Variants in ZNF618 observed in about 807,000 individuals in gnomAD.
ZNF618 encodes zinc finger protein 618, also known as neural precursor cell expressed, developmentally down-regulated 10.
Under a neutral mutation model 103.0 loss-of-function variants are expected in ZNF618, and 34 were observed. That is an observed-to-expected ratio of 0.33 (90% CI 0.25 to 0.44). The LOEUF is 0.44. Among genes scored for constraint, ZNF618 ranks in the 20% least tolerant of loss-of-function variants. The pLI, the probability that ZNF618 is intolerant of heterozygous loss-of-function variation, is 1.00. For missense variants in ZNF618, 1,059 were observed against 1,295.4 expected (o/e 0.82, Z 2.80); for synonymous variants, 551 against 542.2 (o/e 1.02, Z -0.23).
chr9:113,905,263 G>T (rs896093450), intron 1 of ZNF618, among the ~76,000 whole-genome samples: 38 of 152,210 alleles, frequency 2.5e-4, no homozygotes, highest in African/African-American at 8.4e-4. Context: ...CACCATGTTA[G>T]CCAGGCTGGT....
At chr9:113,880,040 T>C (rs1355256170) in intron 1 of ZNF618, among the ~76,000 whole-genome samples, 1 of 152,124 alleles carries the variant, frequency 6.6e-6, no homozygotes, top group Non-Finnish European at 1.5e-5. Context: ...GTTTTAAAAC[T>C]CCTCCAGTGT....
chr9:114,035,069 C>T (rs564284792), intron 12 of ZNF618: 19 of 647,142 alleles, frequency 2.9e-5, no homozygotes, highest in East Asian at 1.4e-4. Flanking sequence ...GCCTTCCTCT[C>T]GGATGCTCCC....
Position 114,048,669 on chromosome 9 carries a change from C to T in ZNF618, c.1367C>T (p.Thr456Ile), listed in dbSNP as rs763090992. The change falls in exon 15 of 15, where the codon ACA becomes ATA. Residue 456 changes from threonine to isoleucine, a missense_variant. Around this residue, in one of 6 missense-constraint regions of ZNF618, gnomAD observed 434 missense variants for 476.0 expected, o/e 0.91. Transcript: ENST00000374126. ...CTGCCAGCCACTACCAGTGGTTTAA[C>T]ACCCAACAGCATGATCCCCGAAAAG... ...SANNTTTSGL[T>I]PNSMIPEKER... is the part of the protein sequence containing the mutation. 1.9e-6 allele frequency: 3 copies of T among 1,612,454 alleles called. No homozygotes were observed. Among genetic ancestry groups the T allele is most frequent in the Admixed American group, 1.7e-5 (1 of 59,948 alleles).
Position 114,028,913 on chromosome 9 carries a change from C to T in ZNF618, c.1025C>T (p.Thr342Ile). 1 of 1,550,686 alleles carries T rather than the reference C, an allele frequency of 6.4e-7. No homozygotes were observed. The highest frequency in any genetic ancestry group is 8.7e-7 in the Non-Finnish European group (1 of 1,146,908). ...ATLLHRTPPA[T>I]QTQTFRTPNS... Reference sequence around the variant, plus strand: ...CTCTTACACCGCACCCCTCCAGCCACCCAAACCCAGACGTTCCGCACTCCA... The same window carrying T: ...CTCTTACACCGCACCCCTCCAGCCATCCAAACCCAGACGTTCCGCACTCCA... Residue 342 changes from threonine (T) to isoleucine (I), a missense_variant, in exon 11 of 15, where the codon ACC (threonine) becomes ATC (isoleucine). By Grantham distance (89) the Thr-to-Ile change is moderately conservative. Around this residue, in one of 6 missense-constraint regions of ZNF618, gnomAD observed 434 missense variants for 476.0 expected, o/e 0.91. Coordinates refer to ENST00000374126, the MANE Select transcript of ZNF618 (RefSeq NM_001318042.2).
rs184699125 is a variant in ZNF618, at chr9:113,995,258, T to A, written c.338-3001T>A. 6.7e-3 allele frequency among the ~76,000 whole-genome samples: 1,013 copies of A among 151,394 alleles called. 16 individuals are homozygous for A. Among genetic ancestry groups the A allele is most frequent in the African/African-American group, 0.023 (933 of 41,316 alleles). On this transcript the variant is annotated intron_variant, in intron 3 of 14. Transcript: ENST00000374126. ...TTGAAATTTCTAAAAAAAAAAAAAA[T>A]TTCCTGGGATCATAAAGCTCTACAT...
intron 3 of ZNF618, among the ~76,000 whole-genome samples, chr9:113,997,712 G>A (rs931938792): frequency 1.3e-5 from 2 of 152,212 alleles, no homozygotes; most frequent in African/African-American, 4.8e-5. Context: ...TGGAAACATT[G>A]CAGATGAAGT....
intron 6 of ZNF618, among the ~76,000 whole-genome samples, chr9:114,005,445 T>G (rs1383812424): frequency 6.6e-6 from 1 of 152,164 alleles, no homozygotes; most frequent in Admixed American, 6.5e-5. Context: ...GGTGGGGGTA[T>G]TCTCAGCAGC....
rs570684851 is a variant in ZNF618, at chr9:113,901,976, T to G, written c.33+25563T>G. Among the ~76,000 whole-genome samples, 7 of 152,260 alleles carry G rather than the reference T, an allele frequency of 4.6e-5. No individual in the cohort carries two copies. In the East Asian group the frequency reaches 1.4e-3, roughly 29 times the overall value. On this transcript the variant is annotated intron_variant, in intron 1 of 14. Coordinates refer to ENST00000374126, the MANE Select transcript of ZNF618 (RefSeq NM_001318042.2). ...CCTCTTCATGCCTTTTTGGGCCTGT[T>G]TTTGCATCTGCATAAAGGGGTCCAA... is the stretch of plus-strand genomic sequence containing the variant.
chr9:113,933,889 T>G (rs1833818724), intron 1 of ZNF618, among the ~76,000 whole-genome samples: 1 of 151,858 alleles, frequency 6.6e-6, no homozygotes, highest in Non-Finnish European at 1.5e-5. Context: ...GGATTGCAGC[T>G]CCTGTGGGGG....
Position 114,017,587 on chromosome 9 carries a change from G to A in ZNF618, c.844+803G>A, listed in dbSNP as rs139763522. 2.6e-3 allele frequency among the ~76,000 whole-genome samples: 397 copies of A among 152,302 alleles called. 3 individuals carry two copies. The highest frequency in any genetic ancestry group is 0.024 in the South Asian group (116 of 4,824). On this transcript the variant is annotated intron_variant, in intron 10 of 14. Transcript: ENST00000374126. The stretch of plus-strand genomic sequence containing the variant: ...GTGCAGAAACCAAAGTCTGACAGGG[G>A]TGGGGCTTGTGCAGTCTCAGGGCAG...
chr9:113,905,966 G>T (rs574326868), intron 1 of ZNF618, among the ~76,000 whole-genome samples: 1 of 152,198 alleles, frequency 6.6e-6, no homozygotes, highest in South Asian at 2.1e-4. Context: ...AGGGTGTTTT[G>T]CCCAGTGTTG....
intron 1 of ZNF618, among the ~76,000 whole-genome samples, chr9:113,965,268 C>G (rs1330563879): frequency 6.6e-6 from 1 of 152,114 alleles, no homozygotes; most frequent in Non-Finnish European, 1.5e-5. Flanking sequence ...CAGCTAATGT[C>G]TTACAACTTA....
At chr9:113,995,873 G>A (rs998126596) in intron 3 of ZNF618, among the ~76,000 whole-genome samples, 3 of 152,142 alleles carry the variant, frequency 2.0e-5, no homozygotes, top group East Asian at 3.9e-4. Context: ...GGTAGGATTA[G>A]GGGTGGGTGA....
Position 113,951,526 on chromosome 9 carries a change from C to T in ZNF618, c.34-17591C>T, listed in dbSNP as rs1360657184. On this transcript the variant is annotated intron_variant, in intron 1 of 14. Transcript: ENST00000374126. ...ACACATATATGTGTGTATATGTACA[C>T]ATATGTGTGTACATATGTACACATA... is the stretch of plus-strand genomic sequence containing the variant. 3.7e-5 allele frequency among the ~76,000 whole-genome samples: 3 copies of T among 82,022 alleles called. 1 individual carries two copies. The East Asian group carries it at 1.4e-3, about 39-fold the overall frequency. 53.8% of individuals were successfully genotyped at this position (82,022 alleles called of 152,430 possible).
rs549496991 is a variant in ZNF618 at position 114,052,879 on chromosome 9, G to A, written c.*2712G>A. 3 of 152,352 alleles carry A rather than the reference G, an allele frequency of 2.0e-5. No individual in the cohort carries two copies. The East Asian group carries it at 5.8e-4, about 29-fold the overall frequency. 9.4% of individuals were successfully genotyped at this position (152,352 alleles called of 1,614,324 possible). A position where few individuals can be genotyped will look rare whatever the true frequency, so the allele number is the denominator to read the frequency against. On this transcript the variant is annotated 3_prime_UTR_variant, in exon 15 of 15. Coordinates refer to ENST00000374126, the MANE Select transcript of ZNF618 (RefSeq NM_001318042.2). ...GAAGCATGGGATGTCTGTCCTCCAG[G>A]AAGAGATTTGATCTTAGGTTGTTAC...
intron 1 of ZNF618, among the ~76,000 whole-genome samples, chr9:113,923,281 A>C (rs913332666): frequency 3.3e-5 from 5 of 152,012 alleles, no homozygotes; most frequent in African/African-American, 4.8e-5. Context: ...TATACCTTTT[A>C]TTTCCTTTTC....
At chr9:113,930,647 T>G (rs1564184041) in intron 1 of ZNF618, among the ~76,000 whole-genome samples, 1 of 152,256 alleles carries the variant, frequency 6.6e-6, no homozygotes, top group Non-Finnish European at 1.5e-5. Flanking sequence ...AGTAACGTAC[T>G]CACATTTCTG....
intron 2 of ZNF618, among the ~76,000 whole-genome samples, chr9:113,985,595 C>T (rs1458851560): frequency 1.3e-5 from 2 of 152,226 alleles, no homozygotes; most frequent in African/African-American, 4.8e-5. Flanking sequence ...AGCCAGGGAA[C>T]CTACTGTCCT....
In ZNF618 at chr9:114,049,568, A is replaced by C; in HGVS notation, c.2266A>C (p.Thr756Pro). Reference sequence around the variant, plus strand: ...CGAGCTGAGCAACGAGAGCCAGCCCACCCTGCAGCTGGTGCTGCCCACCTA... The same window carrying C: ...CGAGCTGAGCAACGAGAGCCAGCCCCCCCTGCAGCTGGTGCTGCCCACCTA... ...VIELSNESQP[T>P]LQLVLPTYVR... Residue 756 changes from threonine (T) to proline (P), a missense_variant, in exon 15 of 15, where the codon ACC becomes CCC. Thr to Pro is a conservative substitution (Grantham distance 38). This residue lies in a region of ZNF618 where 272 missense variants were observed against 380.1 expected (regional missense o/e 0.72). Transcript: ENST00000374126. The C allele has an allele frequency of 6.2e-7, 1 of 1,613,780 alleles. No homozygotes were observed. Among genetic ancestry groups the C allele is most frequent in the Non-Finnish European group, 8.5e-7 (1 of 1,179,898 alleles).
Sources: gnomAD v4.1 joint callset for allele counts (sites outside exome capture counted in the v4.1 genomes callset) on GRCh38, gnomAD v4.1.1 for gene constraint, gnomAD v4.1.1 regional missense constraint, MANE v1.5 for transcripts, NCBI Gene and HGNC (gene_info 2026-07-23, HGNC 2026-07-21) for gene names.